The following SLC35D4 variants were observed in gnomAD, a reference collection of about 807,000 sequenced individuals.
SLC35D4 encodes the protein solute carrier family 35 member D4.
the SLC35D4 span, chr18:23,309,875 T>C: frequency 1.0e-5 from 9 of 858,676 alleles, no homozygotes; most frequent in Non-Finnish European, 1.7e-5. Context: ...CCACTTCCCG[T>C]GTCCTTTTCC....
At chr18:23,368,790 A>G in the SLC35D4 span, 1 of 1,351,742 alleles carries the variant, frequency 7.4e-7, no homozygotes, top group Non-Finnish European at 1.0e-6. Flanking sequence ...ATGAAGTAGC[A>G]GAACTATTTT....
the SLC35D4 span, among the ~76,000 whole-genome samples, chr18:23,314,489 A>G: frequency 6.6e-6 from 1 of 152,198 alleles, no homozygotes; most frequent in African/African-American, 2.4e-5. Context: ...CTCTGACACC[A>G]CCTTCAATGA....
chr18:23,264,577 G>A, the SLC35D4 span, among the ~76,000 whole-genome samples: 98 of 152,160 alleles, frequency 6.4e-4, no homozygotes, highest in African/African-American at 2.3e-3. Context: ...TGGTCAGGCT[G>A]GTCTCGAACT....
At chr18:23,411,948 T>C in the SLC35D4 span, among the ~76,000 whole-genome samples, 1 of 152,218 alleles carries the variant, frequency 6.6e-6, no homozygotes, top group Non-Finnish European at 1.5e-5. Flanking sequence ...CTGAAAAGGC[T>C]CCTGAAGCTG....
chr18:23,244,369 G>C, the SLC35D4 span, among the ~76,000 whole-genome samples: 3 of 152,234 alleles, frequency 2.0e-5, no homozygotes, highest in Non-Finnish European at 2.9e-5. Flanking sequence ...TTTCATTTCA[G>C]TGGGAGGGAG....
At chr18:23,434,035 T>C in the SLC35D4 span, among the ~76,000 whole-genome samples, 15 of 152,154 alleles carry the variant, frequency 9.9e-5, no homozygotes, top group African/African-American at 3.6e-4. Context: ...TTCTTCCCAG[T>C]TGGCCTCTAC....
chr18:23,286,001 A>G, the SLC35D4 span, among the ~76,000 whole-genome samples: 7 of 152,176 alleles, frequency 4.6e-5, no homozygotes, highest in Non-Finnish European at 1.0e-4. Flanking sequence ...GACGCTTTAC[A>G]GCCCTAGACC....
At chr18:23,257,486 A>T in the SLC35D4 span, 8 of 1,183,502 alleles carry the variant, frequency 6.8e-6, no homozygotes, top group African/African-American at 1.6e-5. Context: ...TCCTCTCGAC[A>T]TAGTTTGGGG....
At chr18:23,364,657 C>T in the SLC35D4 span, among the ~76,000 whole-genome samples, 1 of 152,082 alleles carries the variant, frequency 6.6e-6, no homozygotes, top group Non-Finnish European at 1.5e-5. Flanking sequence ...GTAATCCCAG[C>T]ACTTTGGGAG....
chr18:23,437,324 G>C, the SLC35D4 span, among the ~76,000 whole-genome samples: 2 of 152,152 alleles, frequency 1.3e-5, no homozygotes, highest in South Asian at 4.1e-4. Context: ...ATTGATTCGG[G>C]AATCAGCAGT....
At chr18:23,334,719 G>A in the SLC35D4 span, among the ~76,000 whole-genome samples, 4 of 152,180 alleles carry the variant, frequency 2.6e-5, no homozygotes, top group African/African-American at 4.8e-5. Context: ...AAAAGGGGCC[G>A]GCCGGGCACG....
At chr18:23,253,728 G>T in the SLC35D4 span, 1 of 1,613,844 alleles carries the variant, frequency 6.2e-7, no homozygotes, top group South Asian at 1.1e-5. Flanking sequence ...TCTTTCTCCA[G>T]TCTGAAACGA....
At chr18:23,271,436 C>G in the SLC35D4 span, among the ~76,000 whole-genome samples, 1 of 152,208 alleles carries the variant, frequency 6.6e-6, no homozygotes, top group African/African-American at 2.4e-5. Flanking sequence ...TTGGCATTAG[C>G]CCACGGTGGA....
chr18:23,294,068 A>G, the SLC35D4 span, among the ~76,000 whole-genome samples: 3 of 152,144 alleles, frequency 2.0e-5, no homozygotes, highest in Non-Finnish European at 4.4e-5. Context: ...AAGTGCTGGG[A>G]TTACAGGCTT....
the SLC35D4 span, among the ~76,000 whole-genome samples, chr18:23,275,950 C>T: frequency 6.6e-6 from 1 of 152,086 alleles, no homozygotes; most frequent in Non-Finnish European, 1.5e-5. Flanking sequence ...AAGGAAGGAA[C>T]GGGGAGTTAG....
At chr18:23,427,981 G>C in the SLC35D4 span, among the ~76,000 whole-genome samples, 1 of 152,160 alleles carries the variant, frequency 6.6e-6, no homozygotes, top group Non-Finnish European at 1.5e-5. Context: ...AGAACACTTG[G>C]GCACAGGGTG....
At chr18:23,346,939 T>C in the SLC35D4 span, among the ~76,000 whole-genome samples, 2 of 152,234 alleles carry the variant, frequency 1.3e-5, no homozygotes, top group Non-Finnish European at 2.9e-5. Flanking sequence ...TTTGCTAATA[T>C]ATTTGTCCCT....
At chr18:23,430,610 A>G in the SLC35D4 span, 1 of 1,586,820 alleles carries the variant, frequency 6.3e-7, no homozygotes, top group Non-Finnish European at 8.6e-7. Context: ...AATGTATATA[A>G]AGAGCAAAGA....
At chr18:23,397,848 G>T in the SLC35D4 span, among the ~76,000 whole-genome samples, 1 of 152,152 alleles carries the variant, frequency 6.6e-6, no homozygotes, top group African/African-American at 2.4e-5. Context: ...CGCCCAGGAG[G>T]TCAAGATCAG....
Sources: gnomAD v4.1 joint callset for allele counts (sites outside exome capture counted in the v4.1 genomes callset) on GRCh38, gnomAD v4.1.1 for gene constraint, MANE v1.5 for transcripts, NCBI Gene and HGNC (gene_info 2026-07-23, HGNC 2026-07-21) for gene names.